The following DNAH17 variants were observed in gnomAD, a reference collection of about 807,000 sequenced individuals.
The protein encoded by DNAH17 is dynein axonemal heavy chain 17.
A neutral mutation model predicts 485.6 loss-of-function variants in DNAH17; 376 were observed. The ratio of observed to expected loss-of-function variants is 0.77; its 90% CI spans 0.71 to 0.84. The LOEUF (loss-of-function observed/expected upper bound fraction) is 0.84, where lower values mean the gene tolerates loss of function less well. Among genes scored for constraint, DNAH17 ranks in the 40% least tolerant of loss-of-function variants. DNAH17 has a pLI of 0.00. For synonymous variants in DNAH17, 3,031 were observed against 2,405.9 expected (o/e 1.26, Z -7.60); for missense variants, 6,370 against 5,839.3 (o/e 1.09, Z -2.96).
intron 22 of DNAH17, 114 bp from the exon 23 acceptor site, chr17:78,527,110 C>T (rs954445534): frequency 1.2e-5 from 10 of 814,364 alleles, no homozygotes; most frequent in African/African-American, 5.2e-5. Flanking sequence ...GGGGCCGGCG[C>T]GGTGGCTCAC....
rs1245138436 is a variant in DNAH17, at chr17:78,460,264, G to A, written c.9340-7C>T. On this transcript the variant is annotated splice_polypyrimidine_tract_variant and splice_region_variant and intron_variant, in intron 58 of 80. Coordinates refer to ENST00000389840, the MANE Select transcript of DNAH17 (RefSeq NM_173628.4). ...TTTGCTTCTCAGTGACGTTCTGGAA[G>A]GAAGATGGACAGGAGAGGTTACTGC... 3.8e-6 allele frequency: 6 copies of A among 1,591,926 alleles called. No homozygotes were observed. The highest frequency in any genetic ancestry group is 1.1e-5 in the South Asian group (1 of 87,950).
chr17:78,563,142 G>T (rs766158273), intron 11 of DNAH17, among the ~76,000 whole-genome samples: 1 of 152,112 alleles, frequency 6.6e-6, no homozygotes, highest in East Asian at 1.9e-4. Flanking sequence ...GCAAGATTGC[G>T]GCTATTTTTA....
intron 31 of DNAH17, among the ~76,000 whole-genome samples, chr17:78,504,634 T>C (rs570685017): frequency 1.3e-5 from 2 of 152,204 alleles, no homozygotes; most frequent in Non-Finnish European, 2.9e-5. Flanking sequence ...AAATGGTTTC[T>C]ATTGCTTGAT....
chr17:78,560,402 G>A (rs937000251), intron 13 of DNAH17, among the ~76,000 whole-genome samples: 4 of 152,118 alleles, frequency 2.6e-5, no homozygotes, highest in Admixed American at 6.5e-5. Context: ...ACATCCCAGA[G>A]CCCACAAGTG....
chr17:78,516,682 T>C (rs1598626269), intron 25 of DNAH17, among the ~76,000 whole-genome samples: 4 of 107,062 alleles, frequency 3.7e-5, no homozygotes, highest in African/African-American at 1.1e-4. Context: ...AGAGCAAGAC[T>C]CCATCTCAGA....
intron 59 of DNAH17, 24 bp from the exon 60 acceptor site, chr17:78,460,025 T>TC: frequency 1.2e-6 from 2 of 1,611,192 alleles, no homozygotes; most frequent in Non-Finnish European, 1.7e-6. Context: ...ACGGGATGGG[T>TC]CCGATGGGAG....
At position 78,480,767 on chromosome 17, in the gene DNAH17, T is replaced by C. The variant is rs2089312597; in HGVS notation, c.7669A>G (p.Thr2557Ala). The C allele has an allele frequency of 1.9e-6, 3 of 1,613,192 alleles. No individual in the cohort carries two copies. Among genetic ancestry groups the C allele is most frequent in the East Asian group, 2.2e-5 (1 of 44,880 alleles). Reference sequence around the variant, plus strand: ...TGACAATTATGGATATCTTTTAACGTCAGCTTATGTCTGTCATACCTGAGG... The same window carrying C: ...TGACAATTATGGATATCTTTTAACGCCAGCTTATGTCTGTCATACCTGAGG... Reference protein sequence around the residue: ...HRHWYDRHKLTLKDIHNCQYV... With the variant: ...HRHWYDRHKLALKDIHNCQYV... Residue 2557 changes from threonine (T) to alanine (A), a missense_variant, in exon 49 of 81, where the codon ACG (threonine) becomes GCG (alanine). Physicochemically the swap from Thr to Ala is moderately conservative, Grantham distance 58. Transcript: ENST00000389840.
Position 78,491,443 on chromosome 17 carries a change from CTTG to C in DNAH17, c.6666_6668del (p.Asn2222del), listed in dbSNP as rs1279105641. On this transcript the variant is annotated inframe_deletion and splice_region_variant, in exon 43 of 81. Coordinates refer to ENST00000389840, the MANE Select transcript of DNAH17 (RefSeq NM_173628.4). ...GGCTTAGAGTCCAGGGCCCGCGAAC[CTTG>C]TTGTCATCCATGACTGTGTTGAGAG... The C allele has an allele frequency of 9.9e-6, 16 of 1,612,594 alleles. No homozygotes were observed. Among genetic ancestry groups the C allele is most frequent in the East Asian group, 2.2e-5 (1 of 44,862 alleles).
At chr17:78,491,234 G>T (rs755643338) in intron 43 of DNAH17, among the ~76,000 whole-genome samples, 1 of 152,248 alleles carries the variant, frequency 6.6e-6, no homozygotes, top group African/African-American at 2.4e-5. Flanking sequence ...CTGCTAAAAT[G>T]TAAGGTGAGG....
At chr17:78,451,074 C>T (rs74001341) in intron 66 of DNAH17, among the ~76,000 whole-genome samples, 1,958 of 152,310 alleles carry the variant, frequency 0.013, 44 homozygotes, top group African/African-American at 0.044. Context: ...GGGGGCAGAA[C>T]GGGGACAGGC....
At chr17:78,555,463 A>G (rs2091998983) in intron 14 of DNAH17, among the ~76,000 whole-genome samples, 1 of 150,072 alleles carries the variant, frequency 6.7e-6, no homozygotes, top group South Asian at 2.1e-4. Flanking sequence ...TGGACCATGG[A>G]CAAAGATATT....
chr17:78,543,698 T>C, intron 17 of DNAH17, 159 bp downstream of exon 17: 3 of 1,083,710 alleles, frequency 2.8e-6, no homozygotes, highest in Non-Finnish European at 2.8e-6. Flanking sequence ...GTGCTGGGAT[T>C]ACAGGTGAGA....
At position 78,485,054 on chromosome 17, in the gene DNAH17, G is replaced by A. The variant is rs1463819377; in HGVS notation, c.7484-21C>T. On this transcript the variant is annotated intron_variant, in intron 47 of 80. Coordinates refer to ENST00000389840, the MANE Select transcript of DNAH17 (RefSeq NM_173628.4). ...CACCCCTAGAGAGGGCAGAGGGTCAGCTGCCCGCCTGCGCCTCCTGAGCCA... is the reference window on the plus strand; with the variant it reads ...CACCCCTAGAGAGGGCAGAGGGTCAACTGCCCGCCTGCGCCTCCTGAGCCA... 2.5e-6 allele frequency: 4 copies of A among 1,579,950 alleles called. No homozygotes were observed. The African/African-American group carries it at 5.4e-5, about 21-fold the overall frequency.
chr17:78,426,630 C>T, intron 78 of DNAH17, 30 bp from the exon 79 acceptor site: 2 of 1,570,800 alleles, frequency 1.3e-6, no homozygotes, highest in Non-Finnish European at 1.7e-6. Context: ...GTGTGGGGAG[C>T]CCTGAGCTGG....
At chr17:78,488,211 T>G (rs890227179) in intron 44 of DNAH17, among the ~76,000 whole-genome samples, 4 of 152,204 alleles carry the variant, frequency 2.6e-5, no homozygotes, top group Non-Finnish European at 4.4e-5. Flanking sequence ...GACACATGCT[T>G]GCGAGACAGG....
chr17:78,496,057 G>C (rs756146742), intron 37 of DNAH17, 25 bp from the exon 38 acceptor site: 1 of 1,601,842 alleles, frequency 6.2e-7, no homozygotes, highest in East Asian at 2.2e-5. Context: ...ACACAGACAT[G>C]TTAGCATGGA....
chr17:78,426,836 C>T (rs1191473157), intron 78 of DNAH17, 90 bp downstream of exon 78: 3 of 1,466,776 alleles, frequency 2.0e-6, no homozygotes, highest in East Asian at 4.9e-5. Context: ...TGATCCGGGG[C>T]CTGTGCTAGG....
At chr17:78,536,242 A>T (rs924726553) in intron 19 of DNAH17, among the ~76,000 whole-genome samples, 2 of 152,050 alleles carry the variant, frequency 1.3e-5, no homozygotes, top group East Asian at 1.9e-4. Flanking sequence ...GATTGAGACC[A>T]TCCTGGCCAA....
chr17:78,486,035 A>G lies in DNAH17; in HGVS notation c.7200T>C (p.Asp2400=). ...AGGGCAGGAACTTTTTTGTGTCAGG[A>G]TCAATGTAGTAGTCAAAAATCGTTC... ...SQGTIFDYYI[D]PDTKKFLPWT... Residue 2400 remains aspartate (D), a synonymous_variant, in exon 46 of 81, where the codon GAT becomes GAC. Coordinates refer to ENST00000389840, the MANE Select transcript of DNAH17 (RefSeq NM_173628.4). The G allele has an allele frequency of 6.2e-7, 1 of 1,613,958 alleles. No individual in the cohort carries two copies. Among genetic ancestry groups the G allele is most frequent in the African/African-American group, 1.3e-5 (1 of 75,026 alleles).
Sources: allele counts gnomAD v4.1 joint callset (sites outside exome capture counted in the v4.1 genomes callset), GRCh38; gene constraint gnomAD v4.1.1; transcripts MANE v1.5; gene names NCBI Gene and HGNC (gene_info 2026-07-23, HGNC 2026-07-21).